IL1R1: variants seen among roughly 807,000 people sequenced by gnomAD.
IL1R1 encodes the protein interleukin-1 receptor type 1.
A neutral mutation model predicts 50.2 loss-of-function variants in IL1R1; 22 were observed. The observed-to-expected ratio is 0.44, with a 90% CI of 0.31 to 0.63. The LOEUF (loss-of-function observed/expected upper bound fraction) is 0.63. Ranked by LOEUF, IL1R1 falls within the 20% of genes least tolerant of loss-of-function variation. The pLI is 0.07. For synonymous variants in IL1R1, 251 were observed against 236.7 expected (o/e 1.06, Z -0.55); for missense variants, 509 against 676.2 (o/e 0.75, Z 2.74).
At chr2:102,139,435 C>A (rs182480300), upstream of IL1R1, among the ~76,000 whole-genome samples, 5 of 152,334 alleles carry the variant, frequency 3.3e-5, no homozygotes, top group Admixed American at 2.6e-4. Context: ...GGCTGGGAAG[C>A]CAAATGGCAT....
At chr2:102,075,800 G>A (rs1441560037) in intron 1 of IL1R1, among the ~76,000 whole-genome samples, 1 of 152,210 alleles carries the variant, frequency 6.6e-6, no homozygotes, top group Non-Finnish European at 1.5e-5. Flanking sequence ...ACTGGGAGTG[G>A]CTATGAGGAG....
chr2:102,151,087 A>G (rs116158222), intron 1 of IL1R1, among the ~76,000 whole-genome samples: 3 of 152,200 alleles, frequency 2.0e-5, no homozygotes, highest in African/African-American at 7.2e-5. Flanking sequence ...ACTTTGATTA[A>G]CTAGTTCTGA....
chr2:102,128,324 C>A (rs1004312925), intron 1 of IL1R1, among the ~76,000 whole-genome samples: 1 of 152,128 alleles, frequency 6.6e-6, no homozygotes, highest in Non-Finnish European at 1.5e-5. Flanking sequence ...CTGTCAGGTA[C>A]ACGAATTTTC....
chr2:102,126,656 G>A (rs956291785), intron 1 of IL1R1, among the ~76,000 whole-genome samples: 1 of 151,268 alleles, frequency 6.6e-6, no homozygotes, highest in African/African-American at 2.4e-5. Flanking sequence ...GTTGCAAAAT[G>A]TCTAGTAGCC....
At chr2:102,095,988 C>G (rs1679886270) in intron 1 of IL1R1, among the ~76,000 whole-genome samples, 1 of 152,088 alleles carries the variant, frequency 6.6e-6, no homozygotes, top group Non-Finnish European at 1.5e-5. Context: ...GGCGATATAG[C>G]CAGACTCTGT....
chr2:102,137,542 A>G (rs1165304855), intron 1 of IL1R1, among the ~76,000 whole-genome samples: 2 of 152,150 alleles, frequency 1.3e-5, no homozygotes, highest in East Asian at 1.9e-4. Flanking sequence ...TCCTAACACT[A>G]TGGTGGTCTC....
chr2:102,178,625 T>G lies in IL1R1; in HGVS notation c.*1866T>G, dbSNP rs1223323959. ...GCACGTTTGTGAGAAGAAATGACATTTTGCTAGGAAGTGACCGAGTCTAGG... is the reference window on the plus strand; with the variant it reads ...GCACGTTTGTGAGAAGAAATGACATGTTGCTAGGAAGTGACCGAGTCTAGG... On this transcript the variant is annotated 3_prime_UTR_variant, in exon 12 of 12. Coordinates refer to ENST00000410023, the MANE Select transcript of IL1R1 (RefSeq NM_000877.4). 6.6e-6 allele frequency: 1 copy of G among 152,216 alleles called. No homozygotes were observed. Among genetic ancestry groups the G allele is most frequent in the Non-Finnish European group, 1.5e-5 (1 of 67,996 alleles). The allele number at this position is 152,216 out of a possible 1,614,324, so 9.4% of individuals were successfully genotyped here. A position where few individuals can be genotyped will look rare whatever the true frequency, so the allele number is the denominator to read the frequency against.
intron 1 of IL1R1, among the ~76,000 whole-genome samples, chr2:102,082,018 C>A (rs1025100865): frequency 9.2e-5 from 14 of 152,206 alleles, no homozygotes; most frequent in Non-Finnish European, 2.1e-4. Context: ...GGCACAGATT[C>A]CTAGGTCCCA....
intron 6 of IL1R1, 53 bp from the exon 7 acceptor site, chr2:102,168,545 T>G (rs1685395984): frequency 1.2e-3 from 1,626 of 1,386,410 alleles, no homozygotes; most frequent in Non-Finnish European, 1.5e-3. Flanking sequence ...TGTCGTCACT[T>G]GAGATTCTGA....
At chr2:102,172,008 T>C in intron 8 of IL1R1, 90 bp downstream of exon 8, 2 of 471,678 alleles carry the variant, frequency 4.2e-6, no homozygotes, top group Non-Finnish European at 7.0e-6. Context: ...AAGCAAGTGT[T>C]AGTTGCTCCT....
At chr2:102,078,723 C>A (rs1679085295) in intron 1 of IL1R1, among the ~76,000 whole-genome samples, 1 of 152,046 alleles carries the variant, frequency 6.6e-6, no homozygotes, top group Admixed American at 6.6e-5. Context: ...AAGGAAGGGA[C>A]ACTTGCGAAT....
Position 102,179,205 on chromosome 2 carries a change from C to T in IL1R1, c.*2446C>T, listed in dbSNP as rs2104672581. ...GTCTGTCATCCAGAAAATGTGTCAG[C>T]ATGCATAGTGCTAAGAAAGCAAGCC... On this transcript the variant is annotated 3_prime_UTR_variant, in exon 12 of 12. Transcript: ENST00000410023. 1.3e-5 allele frequency: 2 copies of T among 152,418 alleles called. 1 individual carries two copies. The highest frequency in any genetic ancestry group is 4.1e-4 in the South Asian group (2 of 4,828). 9.4% of individuals were successfully genotyped at this position (152,418 alleles called of 1,614,324 possible). A position where few individuals can be genotyped will look rare whatever the true frequency, so the allele number is the denominator to read the frequency against.
At chr2:102,163,891 G>C (rs1332318602) in intron 3 of IL1R1, among the ~76,000 whole-genome samples, 6 of 152,116 alleles carry the variant, frequency 3.9e-5, no homozygotes, top group African/African-American at 1.2e-4. Context: ...ATCCTTTCGG[G>C]TCTTGCTTTT....
At chr2:102,148,916 G>A (rs1482387905) in intron 1 of IL1R1, among the ~76,000 whole-genome samples, 1 of 152,154 alleles carries the variant, frequency 6.6e-6, no homozygotes, top group East Asian at 1.9e-4. Flanking sequence ...CTGCACTGCA[G>A]TCTGGGTAAC....
At chr2:102,129,297 A>C (rs866653239) in intron 1 of IL1R1, among the ~76,000 whole-genome samples, 10 of 141,028 alleles carry the variant, frequency 7.1e-5, no homozygotes, top group African/African-American at 2.4e-4. Context: ...ACAACAACAA[A>C]ACCAAAACAA....
At chr2:102,071,517 T>A (rs967467029) in intron 1 of IL1R1, among the ~76,000 whole-genome samples, 2 of 152,238 alleles carry the variant, frequency 1.3e-5, no homozygotes, top group African/African-American at 4.8e-5. Flanking sequence ...GATGGCTTTA[T>A]CATGTGGCTT....
chr2:102,163,275 A>G (rs1684887494), intron 3 of IL1R1, among the ~76,000 whole-genome samples: 1 of 152,160 alleles, frequency 6.6e-6, no homozygotes, highest in African/African-American at 2.4e-5. Flanking sequence ...GCCTATGTAT[A>G]CATCATTTTT....
chr2:102,107,116 G>A (rs758576343), intron 1 of IL1R1, among the ~76,000 whole-genome samples: 11 of 152,158 alleles, frequency 7.2e-5, no homozygotes, highest in Non-Finnish European at 1.2e-4. Flanking sequence ...CACCAGCACT[G>A]TATGAACATT....
chr2:102,150,205 C>T (rs897292344), intron 1 of IL1R1, among the ~76,000 whole-genome samples: 7 of 152,162 alleles, frequency 4.6e-5, no homozygotes, highest in African/African-American at 1.7e-4. Flanking sequence ...TGCCTCCTTC[C>T]CCTGCACTGG....
Sources: gnomAD v4.1 joint callset for allele counts (sites outside exome capture counted in the v4.1 genomes callset) on GRCh38, gnomAD v4.1.1 for gene constraint, MANE v1.5 for transcripts, NCBI Gene and HGNC (gene_info 2026-07-23, HGNC 2026-07-21) for gene names.